PRKG1: variants seen among roughly 807,000 people sequenced by gnomAD.
The protein encoded by PRKG1 is protein kinase cGMP-dependent 1.
PRKG1 carries 35 observed loss-of-function variants against 88.1 expected under a neutral mutation model. The observed-to-expected ratio is 0.40, with a 90% CI of 0.30 to 0.53. PRKG1 has a LOEUF of 0.53. Ranked by LOEUF, PRKG1 falls within the 20% of genes least tolerant of loss-of-function variation. The pLI is 0.59. For synonymous variants in PRKG1, 303 were observed against 292.5 expected (o/e 1.04, Z -0.37); for missense variants, 540 against 839.8 (o/e 0.64, Z 4.41).
chr10:51,549,214 C>T (rs1294256994), intron 3 of PRKG1, among the ~76,000 whole-genome samples: 1 of 146,082 alleles, frequency 6.8e-6, no homozygotes, highest in Non-Finnish European at 1.5e-5. Context: ...ACCTCTGCCT[C>T]CCAGGTTCAA....
intron 5 of PRKG1, among the ~76,000 whole-genome samples, chr10:51,995,944 A>G (rs1844428108): frequency 6.6e-6 from 1 of 152,200 alleles, no homozygotes; most frequent in Admixed American, 6.5e-5. Flanking sequence ...CACAAGCAAC[A>G]AAAGCAAAAA....
At chr10:51,370,247 T>C (rs61852117) in intron 2 of PRKG1, among the ~76,000 whole-genome samples, 9,954 of 152,166 alleles carry the variant, frequency 0.065, 462 homozygotes, top group Middle Eastern at 0.13. Flanking sequence ...AAAACCATTG[T>C]TGTTGCTTTG....
At chr10:51,773,735 T>C (rs1838364298) in intron 3 of PRKG1, among the ~76,000 whole-genome samples, 1 of 152,136 alleles carries the variant, frequency 6.6e-6, no homozygotes, top group Admixed American at 6.6e-5. Flanking sequence ...CCATGTACCA[T>C]TATTCATCTC....
intron 12 of PRKG1, among the ~76,000 whole-genome samples, chr10:52,276,770 C>T (rs983007628): frequency 6.6e-6 from 1 of 152,174 alleles, no homozygotes; most frequent in Non-Finnish European, 1.5e-5. Flanking sequence ...ATCAAATTTA[C>T]ATTGTCATTT....
At chr10:52,007,469 A>G (rs1425637688) in intron 5 of PRKG1, among the ~76,000 whole-genome samples, 2 of 152,164 alleles carry the variant, frequency 1.3e-5, no homozygotes, top group Non-Finnish European at 2.9e-5. Flanking sequence ...TAAAGCAGAG[A>G]TTGTAACTGT....
chr10:51,549,806 A>G (rs529826688), intron 3 of PRKG1, among the ~76,000 whole-genome samples: 2 of 152,204 alleles, frequency 1.3e-5, no homozygotes, highest in South Asian at 4.1e-4. Context: ...GACTTTTTTG[A>G]GAGCAGCTGC....
intron 5 of PRKG1, among the ~76,000 whole-genome samples, chr10:51,935,960 C>G (rs1414165968): frequency 6.6e-6 from 1 of 152,036 alleles, no homozygotes; most frequent in South Asian, 2.1e-4. Context: ...AATTGCATAG[C>G]CACCCCTCCT....
At chr10:52,260,469 A>C (rs193083650) in intron 10 of PRKG1, among the ~76,000 whole-genome samples, 8 of 152,250 alleles carry the variant, frequency 5.3e-5, no homozygotes, top group African/African-American at 1.9e-4. Flanking sequence ...GTTTCATTTC[A>C]ACTCATTTTA....
At chr10:51,474,397 A>C (rs1840136616) in intron 3 of PRKG1, among the ~76,000 whole-genome samples, 1 of 151,994 alleles carries the variant, frequency 6.6e-6, no homozygotes, top group African/African-American at 2.4e-5. Flanking sequence ...ATGGTTTCGA[A>C]AATTTTTAAA....
intron 1 of PRKG1, among the ~76,000 whole-genome samples, chr10:51,089,005 G>T (rs1343580785): frequency 6.6e-6 from 1 of 151,996 alleles, no homozygotes; most frequent in Admixed American, 6.6e-5. Context: ...TGCTCCAAAT[G>T]GTCATGATAA....
intron 2 of PRKG1, among the ~76,000 whole-genome samples, chr10:51,408,097 C>A (rs1227456521): frequency 6.6e-6 from 1 of 152,134 alleles, no homozygotes; most frequent in Non-Finnish European, 1.5e-5. Flanking sequence ...GTAAGTGGTG[C>A]CACTTCCACT....
At chr10:51,955,176 G>A (rs189164475) in intron 5 of PRKG1, among the ~76,000 whole-genome samples, 1 of 152,170 alleles carries the variant, frequency 6.6e-6, no homozygotes, top group East Asian at 1.9e-4. Context: ...TGTACCAGGA[G>A]GGCCATCACA....
chr10:52,227,393 A>G (rs866277554), intron 9 of PRKG1, among the ~76,000 whole-genome samples: 2 of 152,292 alleles, frequency 1.3e-5, no homozygotes, highest in Middle Eastern at 3.4e-3. Context: ...AAAAAGTTGC[A>G]TTTGTGCTGA....
intron 9 of PRKG1, among the ~76,000 whole-genome samples, chr10:52,174,991 C>T (rs891638648): frequency 1.3e-5 from 2 of 152,020 alleles, no homozygotes; most frequent in African/African-American, 4.8e-5. Flanking sequence ...TATGATTTCT[C>T]TGTGTTGGGA....
chr10:51,918,541 T>C (rs1309733739), intron 5 of PRKG1, among the ~76,000 whole-genome samples: 1 of 152,182 alleles, frequency 6.6e-6, no homozygotes, highest in East Asian at 1.9e-4. Flanking sequence ...GAAACCAATC[T>C]GCAATAAATC....
chr10:52,247,163 A>G (rs1401607961), intron 9 of PRKG1, among the ~76,000 whole-genome samples: 14 of 152,170 alleles, frequency 9.2e-5, no homozygotes. Context: ...GCCCTATACT[A>G]AAATAATAAT....
chr10:51,803,416 T>C (rs1399192279), intron 3 of PRKG1, among the ~76,000 whole-genome samples: 1 of 152,154 alleles, frequency 6.6e-6, no homozygotes. Flanking sequence ...AATTCAAAGA[T>C]GGGTTTACTC....
At chr10:51,641,774 A>G (rs1839807020) in intron 3 of PRKG1, among the ~76,000 whole-genome samples, 1 of 152,012 alleles carries the variant, frequency 6.6e-6, no homozygotes, top group Non-Finnish European at 1.5e-5. Flanking sequence ...AATGTAGACA[A>G]ATTATATTTT....
At chr10:52,184,760 G>T (rs903155594) in intron 9 of PRKG1, 1 of 152,176 alleles carries the variant, frequency 6.6e-6, no homozygotes. Flanking sequence ...ATGGCAGAAG[G>T]CAAAGAAGGA....
Sources: gnomAD v4.1 joint callset for allele counts (sites outside exome capture counted in the v4.1 genomes callset) on GRCh38, gnomAD v4.1.1 for gene constraint, MANE v1.5 for transcripts, NCBI Gene and HGNC (gene_info 2026-07-23, HGNC 2026-07-21) for gene names.